CMSS1: variants seen among roughly 807,000 people sequenced by gnomAD.
The protein encoded by CMSS1 is cms1 ribosomal small subunit homolog, also known as protein CMSS1.
CMSS1 carries 33 observed loss-of-function variants against 43.5 expected under a neutral mutation model. The observed-to-expected ratio is 0.76, with a 90% confidence interval of 0.57 to 1.01. The LOEUF is 1.01. Ranked by LOEUF, CMSS1 falls within the 50% of genes least tolerant of loss-of-function variation. The pLI is 0.00. For missense variants in CMSS1, 313 were observed against 326.4 expected (o/e 0.96, Z 0.32); for synonymous variants, 115 against 117.2 (o/e 0.98, Z 0.12).
At chr3:99,872,408 G>A (rs1944846973) in intron 1 of CMSS1, among the ~76,000 whole-genome samples, 1 of 151,046 alleles carries the variant, frequency 6.6e-6, no homozygotes, top group Non-Finnish European at 1.5e-5. Flanking sequence ...AATGTTTGCT[G>A]TTCTGATGTA....
At chr3:99,985,851 A>C (rs1047507380) in intron 1 of CMSS1, among the ~76,000 whole-genome samples, 1 of 152,160 alleles carries the variant, frequency 6.6e-6, no homozygotes, top group Non-Finnish European at 1.5e-5. Flanking sequence ...GGCCTCCCAA[A>C]GTACTGGGAT....
At chr3:99,900,913 T>C (rs771460628) in intron 1 of CMSS1, among the ~76,000 whole-genome samples, 34 of 152,206 alleles carry the variant, frequency 2.2e-4, no homozygotes, top group Non-Finnish European at 4.7e-4. Context: ...GCCTAGGCCC[T>C]AGAGTATGCC....
chr3:100,027,432 T>C (rs1348440954), intron 1 of CMSS1, among the ~76,000 whole-genome samples: 1 of 152,174 alleles, frequency 6.6e-6, no homozygotes, highest in African/African-American at 2.4e-5. Context: ...GCTGTACTTC[T>C]TTTGGCCTAG....
intron 1 of CMSS1, among the ~76,000 whole-genome samples, chr3:100,002,262 T>C (rs1709864896): frequency 6.6e-6 from 1 of 152,214 alleles, no homozygotes; most frequent in Non-Finnish European, 1.5e-5. Flanking sequence ...GAGCATCTCT[T>C]TTAAGTTATG....
chr3:100,094,674 C>A (rs549226863), intron 1 of CMSS1, among the ~76,000 whole-genome samples: 16 of 57,000 alleles, frequency 2.8e-4, no homozygotes, highest in South Asian at 7.6e-4. Context: ...GAAAAGCTGC[C>A]TTTTTTTTTT....
At chr3:100,163,998 A>G (rs972044961) in intron 4 of CMSS1, among the ~76,000 whole-genome samples, 2 of 152,208 alleles carry the variant, frequency 1.3e-5, no homozygotes, top group African/African-American at 4.8e-5. Flanking sequence ...TTTTTCAAAA[A>G]CACACATTGG....
At chr3:100,132,818 CAA>C (rs537334560) in intron 1 of CMSS1, among the ~76,000 whole-genome samples, 1 of 66,360 alleles carries the variant, frequency 1.5e-5, no homozygotes, top group Admixed American at 1.9e-4. Context: ...GACTCCATCC[CAA>C]AAAAAAAAAA....
At chr3:99,978,840 A>T (rs1324336275) in intron 1 of CMSS1, among the ~76,000 whole-genome samples, 1 of 151,976 alleles carries the variant, frequency 6.6e-6, no homozygotes, top group African/African-American at 2.4e-5. Flanking sequence ...AGCTGAGATT[A>T]CACCACTGCA....
intron 3 of CMSS1, among the ~76,000 whole-genome samples, chr3:100,160,727 A>C (rs193178217): frequency 6.6e-6 from 1 of 152,298 alleles, no homozygotes; most frequent in South Asian, 2.1e-4. Context: ...TGGAGTGCCA[A>C]ATATCTTTGT....
intron 1 of CMSS1, among the ~76,000 whole-genome samples, chr3:100,016,648 A>ACAC (rs1181856049): frequency 6.6e-6 from 1 of 152,232 alleles, no homozygotes; most frequent in African/African-American, 2.4e-5. Flanking sequence ...AAATAGGAGT[A>ACAC]CACTAGGAAG....
At chr3:100,010,666 G>A (rs1710121048) in intron 1 of CMSS1, among the ~76,000 whole-genome samples, 2 of 150,814 alleles carry the variant, frequency 1.3e-5, no homozygotes, top group African/African-American at 4.9e-5. Context: ...CCAGGCTGGA[G>A]TGCAGTGGCT....
At chr3:99,999,124 A>G (rs965657149) in intron 1 of CMSS1, among the ~76,000 whole-genome samples, 1 of 151,920 alleles carries the variant, frequency 6.6e-6, no homozygotes, top group Non-Finnish European at 1.5e-5. Context: ...GTTGAATGCC[A>G]GTTTTATGCC....
chr3:99,916,075 A>G (rs1331259277), intron 1 of CMSS1, among the ~76,000 whole-genome samples: 1 of 152,162 alleles, frequency 6.6e-6, no homozygotes, highest in East Asian at 1.9e-4. Context: ...CTGGTTAAAC[A>G]TTATTTTGAG....
intron 2 of CMSS1, among the ~76,000 whole-genome samples, chr3:100,147,265 C>CTTTTTTTTTTTTTTTTTTTTTTTTTTT (rs71132514): frequency 1.2e-5 from 1 of 86,834 alleles, no homozygotes; most frequent in Non-Finnish European, 2.2e-5. Context: ...AATTCTTTTT[C>CTTTTTTTTTTTTTTTTTTTTTTTTTTT]TTTTTTTTTT....
At chr3:100,072,700 G>C (rs747158254) in intron 1 of CMSS1, among the ~76,000 whole-genome samples, 1 of 152,156 alleles carries the variant, frequency 6.6e-6, no homozygotes, top group Non-Finnish European at 1.5e-5. Context: ...CTGAAATACA[G>C]ATTATCTACT....
At chr3:99,971,641 C>T (rs1708826070) in intron 1 of CMSS1, among the ~76,000 whole-genome samples, 1 of 152,148 alleles carries the variant, frequency 6.6e-6, no homozygotes, top group African/African-American at 2.4e-5. Context: ...AGTATAGGGA[C>T]AGAGACCTGA....
At chr3:100,090,052 A>G (rs1023418859) in intron 1 of CMSS1, among the ~76,000 whole-genome samples, 3 of 152,166 alleles carry the variant, frequency 2.0e-5, no homozygotes, top group Admixed American at 6.5e-5. Flanking sequence ...AGCCACAGAA[A>G]ACTTCACTGA....
chr3:99,876,405 G>T (rs1015498500), intron 1 of CMSS1, among the ~76,000 whole-genome samples: 8 of 152,214 alleles, frequency 5.3e-5, no homozygotes, highest in Non-Finnish European at 1.2e-4. Flanking sequence ...GGGCCGGGGC[G>T]CCGGCGCCCT....
chr3:100,176,793 G>A (rs2067151540), intron 9 of CMSS1, among the ~76,000 whole-genome samples: 2 of 152,060 alleles, frequency 1.3e-5, no homozygotes, highest in African/African-American at 2.4e-5. Flanking sequence ...AGGGGAGCAG[G>A]GGTACAAACT....
Sources: allele counts gnomAD v4.1 joint callset (sites outside exome capture counted in the v4.1 genomes callset), GRCh38; gene constraint gnomAD v4.1.1; transcripts MANE v1.5; gene names NCBI Gene and HGNC (gene_info 2026-07-23, HGNC 2026-07-21).